P3H2: variants seen among roughly 807,000 people sequenced by gnomAD.
The protein encoded by P3H2 is leprecan-like 1.
Under a neutral mutation model 87.0 loss-of-function variants are expected in P3H2, and 80 were observed. That is an observed-to-expected ratio of 0.92 (90% CI 0.77 to 1.11). P3H2 has a LOEUF of 1.11. Among genes scored for constraint, P3H2 ranks in the 50% least tolerant of loss-of-function variants. The pLI is 0.00. For synonymous variants in P3H2, 367 were observed against 359.3 expected (o/e 1.02, Z -0.24); for missense variants, 1,001 against 923.9 (o/e 1.08, Z -1.08).
At chr3:190,001,513 G>GT (rs1360069532) in intron 1 of P3H2, among the ~76,000 whole-genome samples, 1 of 151,972 alleles carries the variant, frequency 6.6e-6, no homozygotes, top group East Asian at 1.9e-4. Context: ...TTTTGCCTTC[G>GT]TTTTTTTACT....
chr3:189,997,806 T>C (rs981890), intron 1 of P3H2, among the ~76,000 whole-genome samples: 44,399 of 152,074 alleles, frequency 0.29, 6,849 homozygotes, highest in East Asian at 0.48. Context: ...TTTAATCTTC[T>C]CAATCTCTTA....
chr3:190,070,586 C>A (rs180769285), intron 1 of P3H2, among the ~76,000 whole-genome samples: 9 of 152,246 alleles, frequency 5.9e-5, no homozygotes, highest in Non-Finnish European at 1.0e-4. Context: ...AGGGAGTGGT[C>A]ACAGTTCCAT....
chr3:190,119,548 AAG>A (rs1314954734), intron 1 of P3H2, among the ~76,000 whole-genome samples: 5 of 152,132 alleles, frequency 3.3e-5, no homozygotes, highest in African/African-American at 7.2e-5. Context: ...TAAAACTAGA[AAG>A]AGAGGACTGA....
At chr3:189,965,844 G>C (rs540387787) in intron 13 of P3H2, among the ~76,000 whole-genome samples, 192 of 151,904 alleles carry the variant, frequency 1.3e-3, no homozygotes, top group African/African-American at 4.4e-3. Context: ...AAATTAGCCA[G>C]ATGTGTTGGT....
At chr3:190,084,193 G>A (rs1169288677) in intron 1 of P3H2, among the ~76,000 whole-genome samples, 2 of 152,116 alleles carry the variant, frequency 1.3e-5, no homozygotes, top group Non-Finnish European at 2.9e-5. Flanking sequence ...TATAGAGCAA[G>A]AATTTCCCGA....
chr3:190,120,619 G>GGTTCCA lies in P3H2; in HGVS notation c.112_113insTGGAAC (p.Leu36_Glu37dup), dbSNP rs1553783771. The GGTTCCA allele has an allele frequency of 2.0e-6, 3 of 1,537,840 alleles. No individual in the cohort carries two copies. The South Asian group carries it at 3.6e-5, about 18-fold the overall frequency. ...CAGGTCGAAGGGCTGCAGAGGCCCG[G>GGTTCCA]GCTCCAGCTCCAGCTCCCGGCGTGG... On this transcript the variant is annotated inframe_insertion, in exon 1 of 15. Transcript: ENST00000319332.
intron 1 of P3H2, among the ~76,000 whole-genome samples, chr3:190,089,540 C>T (rs1727342922): frequency 6.6e-6 from 1 of 152,192 alleles, no homozygotes; most frequent in Non-Finnish European, 1.5e-5. Context: ...TCCCGCCCTC[C>T]CAACAGGAGG....
At chr3:190,018,848 C>T (rs1215632940) in intron 1 of P3H2, among the ~76,000 whole-genome samples, 1 of 152,172 alleles carries the variant, frequency 6.6e-6, no homozygotes, top group East Asian at 1.9e-4. Context: ...CTGTTGTACT[C>T]CTTTCTAAAT....
intron 14 of P3H2, among the ~76,000 whole-genome samples, chr3:189,962,166 T>C (rs1407787905): frequency 8.0e-5 from 11 of 138,360 alleles, no homozygotes; most frequent in Non-Finnish European, 1.1e-4. Flanking sequence ...TTCTTCTTTT[T>C]TTTTTTTTTT....
chr3:190,058,668 G>A (rs1240748617), intron 1 of P3H2, among the ~76,000 whole-genome samples: 1 of 152,180 alleles, frequency 6.6e-6, no homozygotes, highest in Non-Finnish European at 1.5e-5. Flanking sequence ...CTGCTTTGCT[G>A]ATGCAGACAG....
At chr3:190,004,362 G>A (rs1239126548) in intron 1 of P3H2, among the ~76,000 whole-genome samples, 2 of 152,158 alleles carry the variant, frequency 1.3e-5, no homozygotes, top group African/African-American at 4.8e-5. Context: ...ACAAGGGTAC[G>A]TTATGATACA....
intron 1 of P3H2, among the ~76,000 whole-genome samples, chr3:190,015,794 T>C (rs1724734997): frequency 6.6e-6 from 1 of 152,176 alleles, no homozygotes; most frequent in Non-Finnish European, 1.5e-5. Flanking sequence ...GGAGGGCTGC[T>C]TGAGACAAGA....
At chr3:190,071,252 A>G (rs1463409346) in intron 1 of P3H2, among the ~76,000 whole-genome samples, 1 of 152,238 alleles carries the variant, frequency 6.6e-6, no homozygotes, top group Non-Finnish European at 1.5e-5. Context: ...CAAAGGGCCT[A>G]CATTAATTTT....
rs1305458158 is a variant in P3H2, at chr3:190,120,438, G to C, written c.294C>G (p.Pro98=). The change falls in exon 1 of 15, where the codon CCC becomes CCG. Residue 98 remains proline (P), a synonymous_variant. Coordinates refer to ENST00000319332, the MANE Select transcript of P3H2 (RefSeq NM_018192.4). ...GCTCAGCGCCGGGGCCCTCGCCGGG[G>C]GGCGGGGGCGGGAGCGGGTGGCGCG... ...CAARHPLPPP[P]PGEGPGAELP... 4.2e-6 allele frequency: 6 copies of C among 1,440,882 alleles called. No individual in the cohort carries two copies. The South Asian group carries it at 8.6e-5, about 21-fold the overall frequency. 89.3% of individuals were successfully genotyped at this position (1,440,882 alleles called of 1,614,324 possible).
rs1723158522 is a variant in P3H2 at position 189,970,906 on chromosome 3, A to C, written c.1818-15T>G. 3 of 1,390,750 alleles carry C rather than the reference A, an allele frequency of 2.2e-6. No homozygotes were observed. The highest frequency in any genetic ancestry group is 2.0e-6 in the Non-Finnish European group (2 of 976,546). The allele number at this position is 1,390,750 out of a possible 1,614,324, so 86.2% of individuals were successfully genotyped here. A position where few individuals can be genotyped will look rare whatever the true frequency, so the allele number is the denominator to read the frequency against. ...ATAGGAGAGCACTATAAGAATGAAG[A>C]GAAAACTATTTGTATTATTATATGC... On this transcript the variant is annotated splice_polypyrimidine_tract_variant and intron_variant, in intron 12 of 14. Coordinates refer to ENST00000319332, the MANE Select transcript of P3H2 (RefSeq NM_018192.4).
At chr3:189,972,641 G>T (rs1255434664) in intron 11 of P3H2, among the ~76,000 whole-genome samples, 1 of 152,158 alleles carries the variant, frequency 6.6e-6, no homozygotes, top group Non-Finnish European at 1.5e-5. Flanking sequence ...TCAGCAATTG[G>T]GGAAAATTGA....
At chr3:190,092,157 C>T (rs1234703882) in intron 1 of P3H2, among the ~76,000 whole-genome samples, 3 of 151,126 alleles carry the variant, frequency 2.0e-5, no homozygotes, top group Non-Finnish European at 4.4e-5. Flanking sequence ...GGCTTGATCC[C>T]AGGAGGCAGA....
intron 1 of P3H2, among the ~76,000 whole-genome samples, chr3:190,104,451 ATTAT>A (rs1037260049): frequency 2.6e-4 from 40 of 152,280 alleles, no homozygotes; most frequent in African/African-American, 9.4e-4. Flanking sequence ...GGATAAAGGG[ATTAT>A]TTAAATATTA....
intron 1 of P3H2, among the ~76,000 whole-genome samples, chr3:190,010,613 G>A (rs1724556526): frequency 6.6e-6 from 1 of 152,096 alleles, no homozygotes; most frequent in African/African-American, 2.4e-5. Flanking sequence ...CAAGGAGAGA[G>A]GCCACAGGAA....
Sources: gnomAD v4.1 joint callset for allele counts (sites outside exome capture counted in the v4.1 genomes callset) on GRCh38, gnomAD v4.1.1 for gene constraint, MANE v1.5 for transcripts, NCBI Gene and HGNC (gene_info 2026-07-23, HGNC 2026-07-21) for gene names.